HMGA2: variants seen among roughly 807,000 people sequenced by gnomAD.
HMGA2 encodes high mobility group protein HMGI-C.
HMGA2 carries 8 observed loss-of-function variants against 19.1 expected under a neutral mutation model. The ratio of observed to expected loss-of-function variants is 0.42; its 90% CI spans 0.25 to 0.76. HMGA2 has a LOEUF of 0.76. Among genes scored for constraint, HMGA2 ranks in the 30% least tolerant of loss-of-function variants. HMGA2 has a pLI of 0.28. For missense variants in HMGA2, 109 were observed against 136.3 expected (o/e 0.80, Z 1.00); for synonymous variants, 60 against 48.8 (o/e 1.23, Z -0.96).
chr12:65,853,409 A>G (rs1158982971), intron 3 of HMGA2, among the ~76,000 whole-genome samples: 1 of 152,130 alleles, frequency 6.6e-6, no homozygotes, highest in Non-Finnish European at 1.5e-5. Flanking sequence ...CCTTGCCTCA[A>G]TTCAGTTTTG....
At chr12:65,922,936 G>C (rs556713319) in intron 3 of HMGA2, among the ~76,000 whole-genome samples, 104 of 151,602 alleles carry the variant, frequency 6.9e-4, no homozygotes, top group Admixed American at 1.2e-3. Context: ...CATGTAAGAA[G>C]TGTCTTTCGC....
chr12:65,953,739 A>G (rs1876529183), intron 4 of HMGA2: 1 of 152,352 alleles, frequency 6.6e-6, no homozygotes, highest in Admixed American at 6.5e-5. Context: ...ACATGAGCTC[A>G]TTGGGCTACC....
At chr12:65,951,502 T>TCG in intron 4 of HMGA2, 87 bp downstream of exon 4, 1 of 856,208 alleles carries the variant, frequency 1.2e-6, no homozygotes, top group Non-Finnish European at 1.9e-6. Flanking sequence ...AAACCTTATT[T>TCG]CGCATTTTCT....
intron 3 of HMGA2, among the ~76,000 whole-genome samples, chr12:65,921,191 A>G (rs1394683650): frequency 6.6e-6 from 1 of 152,208 alleles, no homozygotes; most frequent in Non-Finnish European, 1.5e-5. Context: ...AGTATCTTGC[A>G]GAAGAAATTT....
At chr12:65,936,525 C>T (rs1043881875) in intron 3 of HMGA2, among the ~76,000 whole-genome samples, 4 of 152,134 alleles carry the variant, frequency 2.6e-5, no homozygotes, top group African/African-American at 9.7e-5. Context: ...TCAGAGAGTG[C>T]AGGTTTTACA....
chr12:65,833,924 G>A (rs1870588300), intron 2 of HMGA2, among the ~76,000 whole-genome samples: 1 of 152,184 alleles, frequency 6.6e-6, no homozygotes, highest in Non-Finnish European at 1.5e-5. Context: ...AAAATAAGGG[G>A]AGGGAAAAGA....
intron 3 of HMGA2, chr12:65,856,974 G>C (rs1019375165): frequency 6.6e-6 from 1 of 152,142 alleles, no homozygotes; most frequent in Non-Finnish European, 1.5e-5. Flanking sequence ...AGACAAGGTG[G>C]GTTAGGGCTT....
In HMGA2 at chr12:65,825,205, G is replaced by A; in HGVS notation, c.-66G>A. Reference sequence around the variant, plus strand: ...CCTATCACCTCATCTCCCGAAAGGTGCTGGGCAGCTCCGGGGCGGTCGAGG... The same window carrying A: ...CCTATCACCTCATCTCCCGAAAGGTACTGGGCAGCTCCGGGGCGGTCGAGG... On this transcript the variant is annotated 5_prime_UTR_variant, in exon 1 of 5. Coordinates refer to ENST00000403681, the MANE Select transcript of HMGA2 (RefSeq NM_003483.6). The surrounding 1 kb of genome is among the most constrained non-coding windows in gnomAD (Gnocchi z 4.4). The A allele has an allele frequency of 7.2e-7, 1 of 1,390,778 alleles. No homozygotes were observed. Among genetic ancestry groups the A allele is most frequent in the Middle Eastern group, 2.3e-4 (1 of 4,260 alleles). 86.2% of individuals were successfully genotyped at this position (1,390,778 alleles called of 1,614,324 possible). A position where few individuals can be genotyped will look rare whatever the true frequency, so the allele number is the denominator to read the frequency against.
chr12:65,893,388 AT>A (rs1873996239), intron 3 of HMGA2, among the ~76,000 whole-genome samples: 1 of 152,154 alleles, frequency 6.6e-6, no homozygotes, highest in Non-Finnish European at 1.5e-5. Context: ...AAACCACCTC[AT>A]TTGTTATAAT....
intron 3 of HMGA2, among the ~76,000 whole-genome samples, chr12:65,894,515 A>C (rs1260893837): frequency 6.6e-6 from 1 of 152,156 alleles, no homozygotes; most frequent in Non-Finnish European, 1.5e-5. Context: ...CAAATGGATC[A>C]TTTTTACATG....
intron 3 of HMGA2, among the ~76,000 whole-genome samples, chr12:65,892,358 A>T: frequency 6.6e-6 from 1 of 152,138 alleles, no homozygotes; most frequent in Non-Finnish European, 1.5e-5. Flanking sequence ...GCACCACGAG[A>T]GTCGTCCCAA....
At chr12:65,883,762 C>A (rs1417980990) in intron 3 of HMGA2, among the ~76,000 whole-genome samples, 3 of 152,182 alleles carry the variant, frequency 2.0e-5, no homozygotes, top group African/African-American at 7.2e-5. Flanking sequence ...CAAATAAATT[C>A]TCCCCTATTA....
At chr12:65,865,931 C>T (rs969595163) in intron 3 of HMGA2, among the ~76,000 whole-genome samples, 1 of 151,962 alleles carries the variant, frequency 6.6e-6, no homozygotes, top group Non-Finnish European at 1.5e-5. Context: ...CATGAGCCAC[C>T]ACGCCTAGCC....
intron 3 of HMGA2, among the ~76,000 whole-genome samples, chr12:65,922,529 A>G (rs1294805609): frequency 2.6e-5 from 4 of 152,176 alleles, no homozygotes; most frequent in Non-Finnish European, 5.9e-5. Context: ...CTAGGAAGTA[A>G]CTAGCTTGCT....
chr12:65,912,652 A>G (rs577252158), intron 3 of HMGA2, among the ~76,000 whole-genome samples: 4 of 152,176 alleles, frequency 2.6e-5, no homozygotes, highest in African/African-American at 9.7e-5. Context: ...TTGTTCACAG[A>G]CAGCCAACAC....
chr12:65,834,231 G>A (rs1565701463), intron 2 of HMGA2, among the ~76,000 whole-genome samples: 1 of 152,146 alleles, frequency 6.6e-6, no homozygotes, highest in Non-Finnish European at 1.5e-5. Context: ...TGAAATGCAG[G>A]TTGGAAATTA....
intron 3 of HMGA2, among the ~76,000 whole-genome samples, chr12:65,847,091 T>TAC (rs573003944): frequency 2.9e-3 from 444 of 152,168 alleles, no homozygotes; most frequent in Non-Finnish European, 4.9e-3. Context: ...ACTATATATA[T>TAC]ACACACACAC....
intron 3 of HMGA2, among the ~76,000 whole-genome samples, chr12:65,848,832 C>G (rs191390721): frequency 0.017 from 2,529 of 151,870 alleles, 38 homozygotes; most frequent in Non-Finnish European, 0.027. Context: ...GTCCGCAGTC[C>G]GACCTGGGCG....
At chr12:65,950,170 A>G (rs1876408990) in intron 3 of HMGA2, among the ~76,000 whole-genome samples, 1 of 152,248 alleles carries the variant, frequency 6.6e-6, no homozygotes, top group South Asian at 2.1e-4. Flanking sequence ...AAGTGAAACA[A>G]AGAATTACAA....
Sources: allele counts gnomAD v4.1 joint callset (sites outside exome capture counted in the v4.1 genomes callset), GRCh38; gene constraint gnomAD v4.1.1; non-coding constraint Gnocchi (gnomAD v3.1); transcripts MANE v1.5; gene names NCBI Gene and HGNC (gene_info 2026-07-23, HGNC 2026-07-21).